The following UBAC2 variants were observed in gnomAD, a reference collection of about 807,000 sequenced individuals.
UBAC2 encodes the protein ubiquitin-associated domain-containing protein 2.
A neutral mutation model predicts 44.0 loss-of-function variants in UBAC2; 26 were observed. The observed-to-expected ratio is 0.59, with a 90% CI of 0.43 to 0.82. The LOEUF (loss-of-function observed/expected upper bound fraction) is 0.82, where lower values mean the gene tolerates loss of function less well. Among genes scored for constraint, UBAC2 ranks in the 40% least tolerant of loss-of-function variants. The probability of loss-of-function intolerance (pLI) is 0.00; values close to 1 mark genes in which losing one functional copy is unlikely to be tolerated. For missense variants in UBAC2, 329 were observed against 419.4 expected, an observed-to-expected ratio of 0.78 and a Z score of 1.88; for synonymous variants, 155 against 154.3, an observed-to-expected ratio of 1.00 and a Z score of -0.04.
At chr13:99,358,352 T>C (rs2045218093) in intron 7 of UBAC2, among the ~76,000 whole-genome samples, 1 of 152,200 alleles carries the variant, frequency 6.6e-6, no homozygotes, top group South Asian at 2.1e-4. Context: ...ATTTGCTTCA[T>C]GTACTTCAAA....
At chr13:99,220,742 C>T (rs966708580) in intron 1 of UBAC2, among the ~76,000 whole-genome samples, 1 of 152,102 alleles carries the variant, frequency 6.6e-6, no homozygotes, top group African/African-American at 2.4e-5. Flanking sequence ...TGAACCACTT[C>T]CTGGCTCTGC....
chr13:99,231,979 A>G (rs2043178323), intron 1 of UBAC2, among the ~76,000 whole-genome samples: 1 of 152,212 alleles, frequency 6.6e-6, no homozygotes, highest in Non-Finnish European at 1.5e-5. Flanking sequence ...TTACCAAATC[A>G]TGGTAACTGA....
At chr13:99,307,481 C>T (rs2044352876) in intron 4 of UBAC2, 2 of 151,180 alleles carry the variant, frequency 1.3e-5, no homozygotes, top group South Asian at 4.2e-4. Context: ...TCTCTGTCAC[C>T]CTGTGACTGA....
intron 1 of UBAC2, among the ~76,000 whole-genome samples, chr13:99,206,973 T>C (rs2042880005): frequency 6.6e-6 from 1 of 152,248 alleles, no homozygotes; most frequent in African/African-American, 2.4e-5. Flanking sequence ...AGCAGCCTTC[T>C]CCTGAGGCCC....
chr13:99,348,468 G>T (rs977362558), intron 7 of UBAC2, among the ~76,000 whole-genome samples: 6 of 152,202 alleles, frequency 3.9e-5, no homozygotes, highest in African/African-American at 1.4e-4. Flanking sequence ...ACGCACAGGG[G>T]CTCAAAACAG....
chr13:99,200,920 C>T lies in UBAC2; in HGVS notation c.12C>T (p.Ser4=), dbSNP rs1300877035. 3.8e-6 allele frequency: 5 copies of T among 1,306,736 alleles called. No individual in the cohort carries two copies. The highest frequency in any genetic ancestry group is 4.9e-6 in the Non-Finnish European group (5 of 1,019,500). 80.9% of individuals were successfully genotyped at this position (1,306,736 alleles called of 1,614,324 possible). A position where few individuals can be genotyped will look rare whatever the true frequency, so the allele number is the denominator to read the frequency against. MFT[S]TGSSGLYKAP... is the part of the protein sequence containing the mutation. ...AGCCCGGCGGGACCATGTTCACCAG[C>T]ACCGGCTCCAGTGGGCTCTGTGAGT... The change falls in exon 1 of 9, where the codon AGC becomes AGT. Residue 4 remains serine, a synonymous_variant. Transcript: ENST00000403766.
At chr13:99,274,064 G>A (rs1302128606) in intron 4 of UBAC2, among the ~76,000 whole-genome samples, 1 of 152,078 alleles carries the variant, frequency 6.6e-6, no homozygotes, top group Non-Finnish European at 1.5e-5. Context: ...TTGAAGAACA[G>A]AATGTGACCC....
Position 99,373,283 on chromosome 13 carries a change from G to A in UBAC2, c.927+5377G>A, listed in dbSNP as rs11838457. Among the ~76,000 whole-genome samples the A allele has an allele frequency of 1.4e-3, 208 of 151,608 alleles. 2 individuals carry two copies. The highest frequency in any genetic ancestry group is 4.9e-3 in the African/African-American group (203 of 41,264). Reference sequence around the variant, plus strand: ...GCTTCTGATTTTTTTAAAACCAAAGGGGGAAAAACTCATCAAGTGTATCTC... The same window carrying A: ...GCTTCTGATTTTTTTAAAACCAAAGAGGGAAAAACTCATCAAGTGTATCTC... On this transcript the variant is annotated intron_variant, in intron 8 of 8. Transcript: ENST00000403766.
intron 1 of UBAC2, among the ~76,000 whole-genome samples, chr13:99,228,179 C>T (rs1015314915): frequency 1.4e-4 from 21 of 152,320 alleles, no homozygotes; most frequent in Non-Finnish European, 1.3e-4. Flanking sequence ...TTACATCACC[C>T]CTGCTCCATC....
intron 8 of UBAC2, among the ~76,000 whole-genome samples, chr13:99,373,171 G>T (rs1353275744): frequency 3.6e-5 from 5 of 140,020 alleles, no homozygotes; most frequent in Admixed American, 1.4e-4. Context: ...CTTTTTTATT[G>T]TTTTTTTTTT....
intron 4 of UBAC2, among the ~76,000 whole-genome samples, chr13:99,271,720 G>C (rs2043818043): frequency 6.6e-6 from 1 of 152,118 alleles, no homozygotes; most frequent in South Asian, 2.1e-4. Context: ...TTGTTTCTTA[G>C]AGTTTTAATT....
intron 5 of UBAC2, among the ~76,000 whole-genome samples, chr13:99,315,337 C>T (rs964388155): frequency 1.3e-5 from 2 of 152,176 alleles, no homozygotes; most frequent in Non-Finnish European, 2.9e-5. Flanking sequence ...TCGAAGAGCA[C>T]TCCAGACCTC....
intron 2 of UBAC2, among the ~76,000 whole-genome samples, chr13:99,240,983 G>C (rs907202699): frequency 6.6e-6 from 1 of 152,088 alleles, no homozygotes; most frequent in African/African-American, 2.4e-5. Context: ...CAGTTGGCTG[G>C]GTGTGGTGGC....
intron 4 of UBAC2, among the ~76,000 whole-genome samples, chr13:99,274,005 C>T (rs1391203104): frequency 2.0e-5 from 3 of 151,848 alleles, no homozygotes; most frequent in African/African-American, 7.2e-5. Context: ...ATCTTGAGTC[C>T]AGAGCTCACA....
intron 6 of UBAC2, among the ~76,000 whole-genome samples, chr13:99,337,246 G>C (rs1332585525): frequency 6.6e-6 from 1 of 152,136 alleles, no homozygotes; most frequent in Non-Finnish European, 1.5e-5. Context: ...TTAATTTGAT[G>C]AAAATTGGTA....
intron 7 of UBAC2, among the ~76,000 whole-genome samples, chr13:99,359,740 A>G (rs2045239181): frequency 6.6e-6 from 1 of 152,240 alleles, no homozygotes. Flanking sequence ...GCCTTGGTCC[A>G]TAGCACACTG....
At chr13:99,205,036 AGG>A (rs2042852709) in intron 1 of UBAC2, among the ~76,000 whole-genome samples, 1 of 150,486 alleles carries the variant, frequency 6.6e-6, no homozygotes, top group Non-Finnish European at 1.5e-5. Flanking sequence ...CCTGAGTAGC[AGG>A]GACTATAGGT....
intron 1 of UBAC2, among the ~76,000 whole-genome samples, chr13:99,223,566 T>TA (rs2043076923): frequency 9.7e-6 from 1 of 102,688 alleles, no homozygotes; most frequent in African/African-American, 3.7e-5. Flanking sequence ...TTTTTTTTTT[T>TA]AAGATTGTAA....
In UBAC2 at chr13:99,295,829, A is replaced by G. The variant is rs1326062458; in HGVS notation, c.390-18268A>G. 1.1e-5 allele frequency: 17 copies of G among 1,607,960 alleles called. No homozygotes were observed. Among genetic ancestry groups the G allele is most frequent in the Non-Finnish European group, 1.4e-5 (16 of 1,175,882 alleles). On this transcript the variant is annotated intron_variant, in intron 4 of 8. Coordinates refer to ENST00000403766, the MANE Select transcript of UBAC2 (RefSeq NM_001144072.2). The surrounding 1 kb of genome is among the most constrained non-coding windows in gnomAD (Gnocchi z 4.1). ...GTTGATGTAAAACACTAGCGCAGTT[A>G]TCCTACACAAGGCATCTCCGATTCT...
Sources: allele counts gnomAD v4.1 joint callset (sites outside exome capture counted in the v4.1 genomes callset), GRCh38; gene constraint gnomAD v4.1.1; non-coding constraint Gnocchi (gnomAD v3.1); transcripts MANE v1.5; gene names NCBI Gene and HGNC (gene_info 2026-07-23, HGNC 2026-07-21).